The following STN1 variants were observed in gnomAD, a reference collection of about 807,000 sequenced individuals.
The protein encoded by STN1 is STN1 subunit of CST complex, also known as CST complex subunit STN1.
A neutral mutation model predicts 45.5 loss-of-function variants in STN1; 29 were observed. That is an observed-to-expected ratio of 0.64 (90% confidence interval 0.47 to 0.87). The LOEUF (loss-of-function observed/expected upper bound fraction) is 0.87. Among genes scored for constraint, STN1 ranks in the 40% least tolerant of loss-of-function variants. The pLI is 0.00. For missense variants in STN1, 376 were observed against 441.4 expected (o/e 0.85, Z 1.33); for synonymous variants, 148 against 159.0 (o/e 0.93, Z 0.52).
At chr10:103,910,819 T>C (rs574549212) in intron 2 of STN1, among the ~76,000 whole-genome samples, 197 bp from the exon 3 acceptor site, 66 of 152,272 alleles carry the variant, frequency 4.3e-4, no homozygotes, top group African/African-American at 1.5e-3. Context: ...AGGTCCTAAG[T>C]AGAAAGCTTG....
intron 3 of STN1, 61 bp from the exon 4 acceptor site, chr10:103,905,217 C>T: frequency 7.2e-7 from 1 of 1,390,718 alleles, no homozygotes; most frequent in East Asian, 2.3e-5. Context: ...AATTAGCATG[C>T]TGTCATTGCA....
chr10:103,894,152 A>G (rs1016767273), intron 7 of STN1, among the ~76,000 whole-genome samples: 7 of 152,228 alleles, frequency 4.6e-5, no homozygotes, highest in Admixed American at 6.5e-5. Context: ...GCAAACCTTC[A>G]TAACTACTTA....
At chr10:103,889,894 G>T (rs980471743) in intron 8 of STN1, among the ~76,000 whole-genome samples, 3 of 151,908 alleles carry the variant, frequency 2.0e-5, no homozygotes, top group Admixed American at 2.0e-4. Context: ...GTAGAGATGA[G>T]GGTTTCACCA....
chr10:103,908,382 T>C (rs910906082), intron 3 of STN1, among the ~76,000 whole-genome samples: 6 of 150,802 alleles, frequency 4.0e-5, no homozygotes, highest in Non-Finnish European at 1.5e-5. Context: ...TGCTGCACAA[T>C]GTCCTCAGCA....
At chr10:103,890,007 C>T (rs1039079162) in intron 8 of STN1, among the ~76,000 whole-genome samples, 1 of 152,046 alleles carries the variant, frequency 6.6e-6, no homozygotes, top group African/African-American at 2.4e-5. Context: ...ACCTGGCCAA[C>T]TTAGTCTTTT....
rs1007906975 is a variant in STN1 at position 103,878,338 on chromosome 10, G to A, written c.*4346C>T. ...TCAGTACATGAGCAGTGACCCAGCT[G>A]TGGTTAGCTCCAGAGAGTTTTCTAA... On this transcript the variant is annotated 3_prime_UTR_variant, in exon 10 of 10. Coordinates refer to ENST00000224950, the MANE Select transcript of STN1 (RefSeq NM_024928.5). 1 of 152,220 alleles carries A rather than the reference G, an allele frequency of 6.6e-6. No individual in the cohort carries two copies. The highest frequency in any genetic ancestry group is 2.4e-5 in the African/African-American group (1 of 41,456). The allele number at this position is 152,220 out of a possible 1,614,324, so 9.4% of individuals were successfully genotyped here.
Position 103,907,924 on chromosome 10 carries a change from T to A in STN1, c.229+2603A>T, listed in dbSNP as rs1165709586. 2.6e-5 allele frequency among the ~76,000 whole-genome samples: 4 copies of A among 151,484 alleles called. No homozygotes were observed. In the East Asian group the frequency reaches 5.8e-4, roughly 22 times the overall value. On this transcript the variant is annotated intron_variant, in intron 3 of 9. Transcript: ENST00000224950. ...TGGGCAGATCACTTGAGGCCAGGAG[T>A]TCGAGACCAGCCTGGCCAACATGGT...
chr10:103,891,925 C>G (rs935778754), intron 8 of STN1, among the ~76,000 whole-genome samples: 1 of 152,102 alleles, frequency 6.6e-6, no homozygotes, highest in Admixed American at 6.5e-5. Flanking sequence ...TATAAGTAGA[C>G]CCATGCAATT....
intron 9 of STN1, among the ~76,000 whole-genome samples, chr10:103,887,128 A>C (rs1843108537): frequency 6.6e-6 from 1 of 152,250 alleles, no homozygotes; most frequent in South Asian, 2.1e-4. Flanking sequence ...AAGGCCCAGT[A>C]GGTATGGTTA....
intron 3 of STN1, among the ~76,000 whole-genome samples, chr10:103,908,381 A>T (rs528288764): frequency 6.6e-6 from 1 of 151,048 alleles, no homozygotes; most frequent in Non-Finnish European, 1.5e-5. Flanking sequence ...GTGCTGCACA[A>T]TGTCCTCAGC....
Position 103,900,178 on chromosome 10 carries a change from T to G in STN1, c.341A>C (p.Lys114Thr). 6.2e-7 allele frequency: 1 copy of G among 1,614,198 alleles called. No homozygotes were observed. The highest frequency in any genetic ancestry group is 1.1e-5 in the South Asian group (1 of 91,088). ...ARELSLTSQL[K>T]KLQETIEQKT... ...CTGCTCAATGGTCTCTTGTAGCTTC[T>G]TAAGTTGTGAGGTTAAGCTGAGCTC... is the stretch of plus-strand genomic sequence containing the variant. Residue 114 changes from lysine (K) to threonine (T), a missense_variant, in exon 5 of 10, where the codon AAG (lysine) becomes ACG (threonine). By Grantham distance (78) the Lys-to-Thr change is moderately conservative. Transcript: ENST00000224950.
intron 2 of STN1, among the ~76,000 whole-genome samples, chr10:103,916,543 T>TTTG (rs1843332536): frequency 2.0e-5 from 3 of 152,244 alleles, no homozygotes; most frequent in African/African-American, 7.2e-5. Context: ...CCTTATCTCA[T>TTTG]TAAAACTGTG....
At chr10:103,886,606 T>C (rs1843104996) in intron 9 of STN1, among the ~76,000 whole-genome samples, 1 of 152,162 alleles carries the variant, frequency 6.6e-6, no homozygotes, top group African/African-American at 2.4e-5. Context: ...TCCAGATCAA[T>C]ATTAAACCAA....
chr10:103,894,381 A>C (rs1264684447), intron 7 of STN1, among the ~76,000 whole-genome samples: 1 of 152,180 alleles, frequency 6.6e-6, no homozygotes. Context: ...CAGATCAAGC[A>C]GCAGGAAGAG....
chr10:103,917,258 T>TAAA (rs5787502), intron 2 of STN1, among the ~76,000 whole-genome samples: 5 of 90,668 alleles, frequency 5.5e-5, no homozygotes, highest in East Asian at 3.6e-4. Context: ...AAACACCTAC[T>TAAA]AAAAAAAAAA....
intron 9 of STN1, among the ~76,000 whole-genome samples, chr10:103,887,036 A>G (rs965158787): frequency 6.6e-6 from 1 of 152,242 alleles, no homozygotes; most frequent in Non-Finnish European, 1.5e-5. Context: ...ACACTCATAA[A>G]TGACTTCAAG....
chr10:103,897,225 G>A (rs1296669700), intron 7 of STN1, among the ~76,000 whole-genome samples: 2 of 151,894 alleles, frequency 1.3e-5, no homozygotes, highest in African/African-American at 4.8e-5. Flanking sequence ...TTAGCCAGGC[G>A]TGATGGCACA....
intron 4 of STN1, among the ~76,000 whole-genome samples, chr10:103,902,174 T>A (rs144807389): frequency 3.3e-5 from 5 of 152,296 alleles, no homozygotes; most frequent in African/African-American, 1.2e-4. Flanking sequence ...CAGAGAACTC[T>A]GTGCATTCAG....
At position 103,899,762 on chromosome 10, in the gene STN1, GA is replaced by G. The variant is rs538257991; in HGVS notation, c.457+299del. On this transcript the variant is annotated intron_variant, in intron 5 of 9. Coordinates refer to ENST00000224950, the MANE Select transcript of STN1 (RefSeq NM_024928.5). ...AGAATATTCATATTTTGCCCTAATG[GA>G]TTGACATTCTGAACTTGAAAGTGCT... is the stretch of plus-strand genomic sequence containing the variant. Among the ~76,000 whole-genome samples the G allele has an allele frequency of 3.5e-4, 54 of 152,248 alleles. No individual in the cohort carries two copies. In the South Asian group the frequency reaches 0.011, roughly 30 times the overall value.
Sources: allele counts gnomAD v4.1 joint callset (sites outside exome capture counted in the v4.1 genomes callset), GRCh38; gene constraint gnomAD v4.1.1; transcripts MANE v1.5; gene names NCBI Gene and HGNC (gene_info 2026-07-23, HGNC 2026-07-21).